The following PLXNA2 variants were observed in gnomAD, a reference collection of about 807,000 sequenced individuals.
The protein encoded by PLXNA2 is plexin A2.
A neutral mutation model predicts 193.5 loss-of-function variants in PLXNA2; 91 were observed. The ratio of observed to expected loss-of-function variants is 0.47; its 90% CI spans 0.40 to 0.56. PLXNA2 has a LOEUF of 0.56. PLXNA2 is among the 20% of genes least tolerant of loss of function. The pLI is 0.00. For missense variants in PLXNA2, 1,995 were observed against 2,503.2 expected (o/e 0.80, Z 4.33); for synonymous variants, 997 against 1,027.3 (o/e 0.97, Z 0.56).
intron 3 of PLXNA2, among the ~76,000 whole-genome samples, chr1:208,158,436 C>T (rs570563032): frequency 6.6e-6 from 1 of 152,248 alleles, no homozygotes; most frequent in South Asian, 2.1e-4. Context: ...TCCTCAGAGA[C>T]CTGCATTTCC....
rs1054094866 is a variant in PLXNA2, at chr1:208,094,525, T to C, written c.1982+1504A>G. Among the ~76,000 whole-genome samples, 3 of 152,204 alleles carry C rather than the reference T, an allele frequency of 2.0e-5. No homozygotes were observed. The East Asian group carries it at 5.8e-4, about 29-fold the overall frequency. On this transcript the variant is annotated intron_variant, in intron 8 of 31. Transcript: ENST00000367033. ...TTGAAAGTGGTGACATCATACTCTG[T>C]TGCCATGGAGATAAGATTGCTCTCA...
intron 6 of PLXNA2, among the ~76,000 whole-genome samples, chr1:208,097,137 C>G (rs970301056): frequency 2.0e-5 from 3 of 152,120 alleles, no homozygotes; most frequent in Admixed American, 6.5e-5. Flanking sequence ...CATTAGAAAG[C>G]CCTAGGGGTG....
intron 3 of PLXNA2, among the ~76,000 whole-genome samples, chr1:208,208,563 C>T (rs139314339): frequency 1.3e-5 from 2 of 152,292 alleles, no homozygotes; most frequent in African/African-American, 2.4e-5. Context: ...GGGAACAGTC[C>T]AAAAAGCATG....
intron 11 of PLXNA2, among the ~76,000 whole-genome samples, chr1:208,081,235 A>T (rs915321966): frequency 6.6e-6 from 1 of 152,174 alleles, no homozygotes; most frequent in Admixed American, 6.5e-5. Context: ...AGAAAAAAAT[A>T]ATCCTCCTGG....
At position 208,029,015 on chromosome 1, in the gene PLXNA2, C is replaced by T. The variant is rs767479088; in HGVS notation, c.5253G>A (p.Val1751=). The T allele has an allele frequency of 1.2e-6, 2 of 1,614,104 alleles. No individual in the cohort carries two copies. Among genetic ancestry groups the T allele is most frequent in the East Asian group, 4.5e-5 (2 of 44,880 alleles). The change falls in exon 30 of 32, where the codon GTG becomes GTA. Residue 1751 remains valine (V), a synonymous_variant. Transcript: ENST00000367033. ...CAAACACGAACTGGGGGTTCTTAATCACGTTCACCCAGAAGCGCAGAGGGA... is the reference window on the plus strand; with the variant it reads ...CAAACACGAACTGGGGGTTCTTAATTACGTTCACCCAGAAGCGCAGAGGGA... The part of the protein sequence containing the change: ...NCLPLRFWVN[V]IKNPQFVFDI...
intron 3 of PLXNA2, among the ~76,000 whole-genome samples, chr1:208,185,756 T>C (rs899444061): frequency 2.0e-5 from 3 of 147,960 alleles, no homozygotes; most frequent in Non-Finnish European, 4.5e-5. Context: ...TGAGCTATTG[T>C]CTTAAGAGAG....
At chr1:208,109,534 C>T (rs191942592) in intron 4 of PLXNA2, among the ~76,000 whole-genome samples, 1 of 152,314 alleles carries the variant, frequency 6.6e-6, no homozygotes, top group Admixed American at 6.5e-5. Context: ...AATGCTTTCA[C>T]ACACATTATC....
intron 4 of PLXNA2, among the ~76,000 whole-genome samples, chr1:208,128,953 G>A (rs912544278): frequency 2.6e-5 from 4 of 152,054 alleles, no homozygotes; most frequent in Admixed American, 6.5e-5. Flanking sequence ...CCTCAGCCTC[G>A]CAAAGTGCTG....
chr1:208,028,998 A>G lies in PLXNA2; in HGVS notation c.5270T>C (p.Phe1757Ser), dbSNP rs768243519. The G allele has an allele frequency of 6.2e-7, 1 of 1,614,052 alleles. No individual in the cohort carries two copies. Among genetic ancestry groups the G allele is most frequent in the Non-Finnish European group, 8.5e-7 (1 of 1,180,004 alleles). The stretch of plus-strand genomic sequence containing the variant: ...GCTGCCCTTGTGGATGTCAAACACG[A>G]ACTGGGGGTTCTTAATCACGTTCAC... ...FWVNVIKNPQ[F>S]VFDIHKGSIT... The change falls in exon 30 of 32, where the codon TTC becomes TCC. Residue 1757 changes from phenylalanine (F) to serine (S), a missense_variant. This residue lies in a region of PLXNA2 where 1,291 missense variants were observed against 1,673.6 expected (regional missense o/e 0.77). Transcript: ENST00000367033. This position sits in a 1 kb window ranked among gnomAD's most constrained non-coding sequence, Gnocchi z 4.2.
chr1:208,023,776 T>A lies in PLXNA2; in HGVS notation c.*3467A>T, dbSNP rs539912838. 227 of 152,360 alleles carry A rather than the reference T, an allele frequency of 1.5e-3. No homozygotes were observed. The highest frequency in any genetic ancestry group is 5.0e-3 in the African/African-American group (206 of 41,588). The allele number at this position is 152,360 out of a possible 1,614,324, so 9.4% of individuals were successfully genotyped here. ...ATTCGCTGGAAGAAAGACCTTGGTT[T>A]TGTTCCGTGCTGTTTTCCCATCTCT... is the stretch of plus-strand genomic sequence containing the variant. On this transcript the variant is annotated 3_prime_UTR_variant, in exon 32 of 32. Coordinates refer to ENST00000367033, the MANE Select transcript of PLXNA2 (RefSeq NM_025179.4).
At chr1:208,151,939 A>G (rs1668778964) in intron 3 of PLXNA2, among the ~76,000 whole-genome samples, 2 of 152,250 alleles carry the variant, frequency 1.3e-5, no homozygotes, top group South Asian at 4.1e-4. Context: ...GCCTCTGGAG[A>G]TAAGTCCTGG....
chr1:208,180,030 C>T (rs906897135), intron 3 of PLXNA2, among the ~76,000 whole-genome samples: 1 of 152,218 alleles, frequency 6.6e-6, no homozygotes, highest in Non-Finnish European at 1.5e-5. Context: ...CCTGCCCCGC[C>T]CCCACCCTGG....
chr1:208,178,279 A>G (rs1253588445), intron 3 of PLXNA2, among the ~76,000 whole-genome samples: 1 of 152,222 alleles, frequency 6.6e-6, no homozygotes, highest in Non-Finnish European at 1.5e-5. Context: ...CACAATGTGC[A>G]GCCAGGTGCC....
chr1:208,077,196 T>C (rs1417131296), intron 12 of PLXNA2, among the ~76,000 whole-genome samples: 3 of 152,122 alleles, frequency 2.0e-5, no homozygotes, highest in Admixed American at 2.0e-4. Flanking sequence ...CATGGATTTG[T>C]CTCTCTCCAA....
At chr1:208,241,046 G>A (rs1306505272) in intron 1 of PLXNA2, among the ~76,000 whole-genome samples, 1 of 152,188 alleles carries the variant, frequency 6.6e-6, no homozygotes, top group South Asian at 2.1e-4. Context: ...CACCTAAAGT[G>A]GTGAGTTTAG....
chr1:208,178,133 G>A (rs78943113), intron 3 of PLXNA2, among the ~76,000 whole-genome samples: 2,057 of 152,026 alleles, frequency 0.014, 64 homozygotes, highest in East Asian at 0.12. Context: ...TTATCCTACC[G>A]AGAGGAGAAA....
intron 3 of PLXNA2, among the ~76,000 whole-genome samples, chr1:208,202,043 A>G (rs1670569043): frequency 6.6e-6 from 1 of 150,622 alleles, no homozygotes; most frequent in Non-Finnish European, 1.5e-5. Context: ...CAGTGGTGCA[A>G]TCTCAGCTCA....
At position 208,244,348 on chromosome 1, in the gene PLXNA2, G is replaced by A; in HGVS notation, c.-786C>T. On this transcript the variant is annotated 5_prime_UTR_variant, in exon 1 of 32. Transcript: ENST00000367033. ...GGCGGCGGCGGCGGAGGAGCCCTGA[G>A]CGCCGGCCTCCCTATTTCACCATGC... is the stretch of plus-strand genomic sequence containing the variant. 5.0e-6 allele frequency: 1 copy of A among 198,560 alleles called. No homozygotes were observed. The allele number at this position is 198,560 out of a possible 1,614,324, so 12.3% of individuals were successfully genotyped here.
intron 28 of PLXNA2, chr1:208,032,243 T>A (rs1046650044): frequency 1.3e-5 from 8 of 619,722 alleles, no homozygotes; most frequent in Non-Finnish European, 1.6e-5. Flanking sequence ...GAATGTGGAA[T>A]GTGGGTGAAG....
Sources: allele counts gnomAD v4.1 joint callset (sites outside exome capture counted in the v4.1 genomes callset), GRCh38; gene constraint gnomAD v4.1.1; regional missense constraint gnomAD v4.1.1; non-coding constraint Gnocchi (gnomAD v3.1); transcripts MANE v1.5; gene names NCBI Gene and HGNC (gene_info 2026-07-23, HGNC 2026-07-21).